Variants in RBM46 observed in about 807,000 individuals in gnomAD.
RBM46 encodes RNA binding motif protein 46.
Under a neutral mutation model 43.3 loss-of-function variants are expected in RBM46, and 12 were observed. That is an observed-to-expected ratio of 0.28 (90% CI 0.18 to 0.45). The LOEUF (loss-of-function observed/expected upper bound fraction) is 0.45. Among genes scored for constraint, RBM46 ranks in the 20% least tolerant of loss-of-function variants. The pLI is 1.00. For synonymous variants in RBM46, 205 were observed against 207.6 expected, an observed-to-expected ratio of 0.99 and a Z score of 0.11; for missense variants, 412 against 639.1, an observed-to-expected ratio of 0.64 and a Z score of 3.83.
chr4:154,819,084 T>G (rs1735602673), intron 4 of RBM46, among the ~76,000 whole-genome samples: 1 of 152,168 alleles, frequency 6.6e-6, no homozygotes, highest in African/African-American at 2.4e-5. Context: ...CCTCCTTGTA[T>G]GACTGGTTAT....
intron 4 of RBM46, among the ~76,000 whole-genome samples, chr4:154,823,596 C>T (rs2111217644): frequency 6.6e-6 from 1 of 151,920 alleles, no homozygotes; most frequent in Admixed American, 6.6e-5. Context: ...AGAAAAGCAG[C>T]TAAGAATTAG....
At chr4:154,827,814 T>C in intron 4 of RBM46, 54 bp from the exon 5 acceptor site, 1 of 1,604,820 alleles carries the variant, frequency 6.2e-7, no homozygotes. Flanking sequence ...CTCTTTAAAT[T>C]AAATTTGTGT....
chr4:154,826,632 G>T, intron 4 of RBM46: 1 of 615,506 alleles, frequency 1.6e-6, no homozygotes, highest in Non-Finnish European at 2.8e-6. Context: ...GGAACAGATC[G>T]CTTTGTTGAT....
rs1734469217 is a variant in RBM46, at chr4:154,798,760, AATT to A, written c.620-15_620-13del. 2 of 1,368,910 alleles carry A rather than the reference AATT, an allele frequency of 1.5e-6. No individual in the cohort carries two copies. The highest frequency in any genetic ancestry group is 3.9e-5 in the Admixed American group (1 of 25,656). 84.8% of individuals were successfully genotyped at this position (1,368,910 alleles called of 1,614,324 possible). A position where few individuals can be genotyped will look rare whatever the true frequency, so the allele number is the denominator to read the frequency against. ...TTATTCTTTATTTTAATTCTCTTCAAATTATTATTTTTTTTTTACAGGAACATT... is the reference window on the plus strand; with the variant it reads ...TTATTCTTTATTTTAATTCTCTTCAAATTATTTTTTTTTTACAGGAACATT... On this transcript the variant is annotated intron_variant, in intron 3 of 4. Transcript: ENST00000281722.
chr4:154,787,721 A>C (rs551524271), intron 1 of RBM46, among the ~76,000 whole-genome samples: 2 of 152,274 alleles, frequency 1.3e-5, no homozygotes, highest in African/African-American at 2.4e-5. Context: ...GCTGGGTCAA[A>C]TGGTATTTCT....
At chr4:154,821,524 A>T (rs2111211225) in intron 4 of RBM46, among the ~76,000 whole-genome samples, 1 of 151,902 alleles carries the variant, frequency 6.6e-6, no homozygotes, top group African/African-American at 2.4e-5. Flanking sequence ...AAGGAGTTGG[A>T]TATAATTATC....
chr4:154,798,039 G>A lies in RBM46; in HGVS notation c.380G>A (p.Arg127Gln), dbSNP rs752720613. The change falls in exon 3 of 5, where the codon CGA (arginine) becomes CAA (glutamine). Residue 127 changes from arginine (R) to glutamine (Q), a missense_variant. Coordinates refer to ENST00000281722, the MANE Select transcript of RBM46 (RefSeq NM_144979.5). Reference sequence around the variant, plus strand: ...AGAATTCTTAATAATTATGAAATTCGACCAGGGAAGTTTATTGGTGTGTGT... The same window carrying A: ...AGAATTCTTAATAATTATGAAATTCAACCAGGGAAGTTTATTGGTGTGTGT... ...AIRILNNYEI[R>Q]PGKFIGVCVS... 6.2e-7 allele frequency: 1 copy of A among 1,613,704 alleles called. No individual in the cohort carries two copies. Among genetic ancestry groups the A allele is most frequent in the South Asian group, 1.1e-5 (1 of 90,904 alleles).
chr4:154,806,881 G>C (rs1285078348), intron 4 of RBM46, among the ~76,000 whole-genome samples: 1 of 151,714 alleles, frequency 6.6e-6, no homozygotes, highest in Non-Finnish European at 1.5e-5. Flanking sequence ...TGCCATGTGG[G>C]GAGTATCTGT....
intron 3 of RBM46, 26 bp downstream of exon 3, chr4:154,798,304 A>G (rs758178842): frequency 5.1e-6 from 7 of 1,371,976 alleles, no homozygotes; most frequent in Non-Finnish European, 7.0e-6. Context: ...GTTTTTCAAT[A>G]TTAACATTAT....
intron 4 of RBM46, among the ~76,000 whole-genome samples, chr4:154,823,785 A>G (rs2111218142): frequency 6.6e-6 from 1 of 152,124 alleles, no homozygotes; most frequent in South Asian, 2.1e-4. Context: ...CCACATAAAC[A>G]GGCCTGACAA....
At position 154,798,901 on chromosome 4, in the gene RBM46, A is replaced by G; in HGVS notation, c.739A>G (p.Thr247Ala). 3 of 1,613,042 alleles carry G rather than the reference A, an allele frequency of 1.9e-6. No individual in the cohort carries two copies. The highest frequency in any genetic ancestry group is 2.5e-6 in the Non-Finnish European group (3 of 1,179,522). Reference sequence around the variant, plus strand: ...TTATGTAAGAAATTTAATGATCTCAACTACAGAGGAAACAATTAAAGCAGA... The same window carrying G: ...TTATGTAAGAAATTTAATGATCTCAGCTACAGAGGAAACAATTAAAGCAGA... ...VLYVRNLMIS[T>A]TEETIKAEFN... The change falls in exon 4 of 5, where the codon ACT becomes GCT. Residue 247 changes from threonine to alanine, a missense_variant. Transcript: ENST00000281722.
chr4:154,791,144 G>A (rs1578897657), intron 1 of RBM46, among the ~76,000 whole-genome samples: 1 of 152,160 alleles, frequency 6.6e-6, no homozygotes, highest in Non-Finnish European at 1.5e-5. Context: ...AGGACAATTA[G>A]GGTATCATGC....
intron 1 of RBM46, among the ~76,000 whole-genome samples, chr4:154,793,901 A>T (rs1473423832): frequency 5.9e-5 from 9 of 152,142 alleles, no homozygotes; most frequent in Non-Finnish European, 1.3e-4. Context: ...TTGTAAAAGC[A>T]TTTGAGTGAT....
At chr4:154,798,331 T>C in intron 3 of RBM46, 53 bp downstream of exon 3, 1 of 1,128,284 alleles carries the variant, frequency 8.9e-7, no homozygotes, top group Non-Finnish European at 1.3e-6. Context: ...TATGGAGAGA[T>C]GATAGTACAT....
intron 4 of RBM46, among the ~76,000 whole-genome samples, chr4:154,821,001 A>T (rs927213798): frequency 7.9e-5 from 12 of 151,902 alleles, no homozygotes; most frequent in African/African-American, 2.9e-4. Context: ...GTCCTTGAGT[A>T]AGTTAATTTG....
At chr4:154,785,109 T>C (rs973164313) in intron 1 of RBM46, among the ~76,000 whole-genome samples, 22 of 152,112 alleles carry the variant, frequency 1.4e-4, no homozygotes, top group African/African-American at 5.3e-4. Flanking sequence ...CTAAAGAGAA[T>C]ATAGGATTGG....
intron 4 of RBM46, among the ~76,000 whole-genome samples, chr4:154,815,553 CTT>C (rs1352548346): frequency 6.6e-6 from 1 of 151,956 alleles, no homozygotes; most frequent in Admixed American, 6.6e-5. Flanking sequence ...ATGATGATAA[CTT>C]ACGATATTGA....
rs190939239 is a variant in RBM46 at position 154,826,889 on chromosome 4, C to T, written c.1403-979C>T. The T allele has an allele frequency of 1.4e-4, 206 of 1,462,186 alleles. 2 individuals carry two copies. In the East Asian group the frequency reaches 2.8e-3, roughly 20 times the overall value. 90.6% of individuals were successfully genotyped at this position (1,462,186 alleles called of 1,614,324 possible). A position where few individuals can be genotyped will look rare whatever the true frequency, so the allele number is the denominator to read the frequency against. On this transcript the variant is annotated intron_variant, in intron 4 of 4. Coordinates refer to ENST00000281722, the MANE Select transcript of RBM46 (RefSeq NM_144979.5). Reference sequence around the variant, plus strand: ...TATGGTGTAGGCATCATTTATAGTACCAGGACAGTATTATAGAAAAAAACC... The same window carrying T: ...TATGGTGTAGGCATCATTTATAGTATCAGGACAGTATTATAGAAAAAAACC...
rs141147493 is a variant in RBM46 at position 154,814,402 on chromosome 4, T to C, written c.1403-13466T>C. Among the ~76,000 whole-genome samples the C allele has an allele frequency of 6.0e-3, 909 of 152,174 alleles. 5 individuals are homozygous for C. Among genetic ancestry groups the C allele is most frequent in the Non-Finnish European group, 9.3e-3 (632 of 67,916 alleles). On this transcript the variant is annotated intron_variant, in intron 4 of 4. Transcript: ENST00000281722. ...GACACAAATAAGATGGTAAATTAAA[T>C]TGGGTGAAAGTACCAGTAAGTAGCA...
Sources: allele counts gnomAD v4.1 joint callset (sites outside exome capture counted in the v4.1 genomes callset), GRCh38; gene constraint gnomAD v4.1.1; transcripts MANE v1.5; gene names NCBI Gene and HGNC (gene_info 2026-07-23, HGNC 2026-07-21).